The following NF1 variants were observed in gnomAD, a reference collection of about 807,000 sequenced individuals.
NF1 encodes the protein neurofibromin.
NF1 carries 122 observed loss-of-function variants against 325.7 expected under a neutral mutation model. That is an observed-to-expected ratio of 0.37 (90% CI 0.32 to 0.44). NF1 has a LOEUF of 0.44. NF1 is among the 20% of genes least tolerant of loss of function. NF1 has a pLI of 1.00. For synonymous variants in NF1, 1,091 were observed against 1,186.0 expected, an observed-to-expected ratio of 0.92 and a Z score of 1.65; for missense variants, 2,140 against 3,415.4, an observed-to-expected ratio of 0.63 and a Z score of 9.31.
At chr17:31,228,687 G>A (rs187332383) in intron 20 of NF1, among the ~76,000 whole-genome samples, 2 of 151,820 alleles carry the variant, frequency 1.3e-5, no homozygotes, top group Non-Finnish European at 2.9e-5. Flanking sequence ...TGTCTTTGTA[G>A]ATTTGCCTAT....
At chr17:31,326,300 TAACTA>T (rs1464815037) in intron 37 of NF1, 48 bp downstream of exon 37, 12 of 1,558,836 alleles carry the variant, frequency 7.7e-6, no homozygotes, top group African/African-American at 2.7e-5. Context: ...TTTTCTTGAC[TAACTA>T]GACTATATCC....
intron 14 of NF1, 106 bp from the exon 15 acceptor site, chr17:31,221,744 A>C: frequency 1.3e-6 from 1 of 782,354 alleles, no homozygotes; most frequent in Non-Finnish European, 2.2e-6. Flanking sequence ...TACAAATGAA[A>C]GAGCTCAATT....
At position 31,340,858 on chromosome 17, in the gene NF1, A is replaced by C. The variant is rs369623402; in HGVS notation, c.7062+213A>C. Among the ~76,000 whole-genome samples the C allele has an allele frequency of 3.3e-5, 5 of 151,490 alleles. No individual in the cohort carries two copies. The South Asian group carries it at 6.2e-4, about 19-fold the overall frequency. On this transcript the variant is annotated intron_variant, in intron 47 of 57. Transcript: ENST00000358273. ...TTACATAAAAATAGCAAAAAAAAAA[A>C]AACAAAAAAAAAACAGTACTGGCCT...
At chr17:31,129,149 T>G (rs974440777) in intron 1 of NF1, among the ~76,000 whole-genome samples, 5 of 152,198 alleles carry the variant, frequency 3.3e-5, no homozygotes, top group African/African-American at 1.2e-4. Flanking sequence ...GTGGGAGTTC[T>G]CTTTATTTCC....
At chr17:31,260,839 C>T (rs994370522) in intron 34 of NF1, among the ~76,000 whole-genome samples, 2 of 152,148 alleles carry the variant, frequency 1.3e-5, no homozygotes, top group Admixed American at 6.5e-5. Context: ...GCATTTGACT[C>T]TGAAGAACAG....
intron 27 of NF1, 139 bp from the exon 28 acceptor site, chr17:31,235,472 A>G: frequency 1.2e-6 from 1 of 824,230 alleles, no homozygotes; most frequent in Non-Finnish European, 2.1e-6. Flanking sequence ...ATCTCAGGAT[A>G]AATATTAATC....
At chr17:31,251,232 TC>T (rs2067488531) in intron 30 of NF1, 3 of 205,600 alleles carry the variant, frequency 1.5e-5, no homozygotes, top group South Asian at 3.8e-4. Context: ...AAAGGTACCT[TC>T]CTGCTCTTCT....
At chr17:31,343,184 C>T (rs1353049285) in intron 48 of NF1, 49 bp downstream of exon 48, 1 of 1,499,170 alleles carries the variant, frequency 6.7e-7, no homozygotes, top group South Asian at 1.1e-5. Flanking sequence ...ATTAAGAAAC[C>T]AGAAGTAATT....
At chr17:31,179,277 A>G (rs1238461650) in intron 5 of NF1, among the ~76,000 whole-genome samples, 1 of 152,250 alleles carries the variant, frequency 6.6e-6, no homozygotes, top group Non-Finnish European at 1.5e-5. Flanking sequence ...GAAGATAACA[A>G]AATGAAGGCA....
intron 48 of NF1, among the ~76,000 whole-genome samples, chr17:31,346,818 C>CTTT (rs59155043): frequency 7.4e-5 from 8 of 108,196 alleles, no homozygotes; most frequent in African/African-American, 2.1e-4. Context: ...AAGAATTTGG[C>CTTT]TTTTTTTTTT....
chr17:31,204,811 A>G (rs1248414887), intron 11 of NF1, among the ~76,000 whole-genome samples: 1 of 152,246 alleles, frequency 6.6e-6, no homozygotes, highest in Admixed American at 6.5e-5. Context: ...GTTATTATTC[A>G]GCTTTTTGTT....
chr17:31,374,340 T>G lies in NF1; in HGVS notation c.*185T>G, dbSNP rs2070701463. 1 of 738,134 alleles carries G rather than the reference T, an allele frequency of 1.4e-6. No homozygotes were observed. The highest frequency in any genetic ancestry group is 2.4e-5 in the Admixed American group (1 of 40,844). 45.7% of individuals were successfully genotyped at this position (738,134 alleles called of 1,614,324 possible). On this transcript the variant is annotated 3_prime_UTR_variant, in exon 58 of 58. Transcript: ENST00000358273. ...AGCCTTGCCTAAATTTAATGCTGCC[T>G]TTTCTTTAACTTTTTTTCTTCTACT...
rs759005886 is a variant in NF1, at chr17:31,350,193, A to C, written c.7332A>C (p.Thr2444=). 2 of 1,614,010 alleles carry C rather than the reference A, an allele frequency of 1.2e-6. No individual in the cohort carries two copies. The highest frequency in any genetic ancestry group is 2.2e-5 in the South Asian group (2 of 91,082). The change falls in exon 50 of 58, where the codon ACA becomes ACC. Residue 2444 remains threonine (T), a synonymous_variant. Coordinates refer to ENST00000358273, the MANE Select transcript of NF1 (RefSeq NM_001042492.3). ...QSVAYLAALL[T]VSEEVRSRCS... ...CCGTTTTCCTTTTAGCTTTACTTAC[A>C]GTGTCTGAAGAAGTTCGAAGTCGCT... is the stretch of plus-strand genomic sequence containing the variant.
intron 1 of NF1, among the ~76,000 whole-genome samples, chr17:31,101,490 C>G (rs1191395608): frequency 3.3e-5 from 5 of 152,100 alleles, no homozygotes; most frequent in African/African-American, 1.2e-4. Context: ...CTCTGTGACC[C>G]AGCAGTCTAT....
intron 57 of NF1, among the ~76,000 whole-genome samples, chr17:31,366,315 A>AT (rs1341461269): frequency 6.6e-6 from 1 of 152,070 alleles, no homozygotes. Flanking sequence ...TGGTGCGTGA[A>AT]TTTTTTAGAA....
rs759107692 is a variant in NF1 at position 31,200,998 on chromosome 17, G to A, written c.1063-39G>A. ...ATGTTAGTAAAGAAATACTGCATGG[G>A]TATTTAAAGGCTTTTGTTTTCTGTT... On this transcript the variant is annotated intron_variant, in intron 9 of 57. Coordinates refer to ENST00000358273, the MANE Select transcript of NF1 (RefSeq NM_001042492.3). 30 of 1,611,702 alleles carry A rather than the reference G, an allele frequency of 1.9e-5. No individual in the cohort carries two copies. In the Middle Eastern group the frequency reaches 8.7e-4, roughly 47 times the overall value.
intron 36 of NF1, chr17:31,318,798 A>G (rs759527384): frequency 6.2e-7 from 1 of 1,613,978 alleles, no homozygotes; most frequent in South Asian, 1.1e-5. Context: ...TTGTAGAATT[A>G]CCTTTATAAT....
At chr17:31,228,395 G>A (rs1275969975) in intron 20 of NF1, among the ~76,000 whole-genome samples, 1 of 152,148 alleles carries the variant, frequency 6.6e-6, no homozygotes, top group Admixed American at 6.5e-5. Context: ...TTTATTTGGA[G>A]GGGACATGTA....
chr17:31,173,286 T>C (rs1212719495), intron 5 of NF1, among the ~76,000 whole-genome samples: 2 of 152,026 alleles, frequency 1.3e-5, no homozygotes, highest in African/African-American at 4.8e-5. Context: ...GGTGGGCGCC[T>C]GTAGTCCCAG....
Sources: gnomAD v4.1 joint callset for allele counts (sites outside exome capture counted in the v4.1 genomes callset) on GRCh38, gnomAD v4.1.1 for gene constraint, MANE v1.5 for transcripts, NCBI Gene and HGNC (gene_info 2026-07-23, HGNC 2026-07-21) for gene names.